The following ANAPC1 variants were observed in gnomAD, a reference collection of about 807,000 sequenced individuals.
ANAPC1 encodes anaphase-promoting complex subunit 1.
Under a neutral mutation model 208.0 loss-of-function variants are expected in ANAPC1, and 36 were observed. The observed-to-expected ratio is 0.17, with a 90% CI of 0.13 to 0.23. ANAPC1 has a LOEUF of 0.23. Among genes scored for constraint, ANAPC1 ranks in the 10% least tolerant of loss-of-function variants. ANAPC1 has a pLI of 1.00. For synonymous variants in ANAPC1, 378 were observed against 695.2 expected (o/e 0.54, Z 7.18); for missense variants, 942 against 2,011.6 (o/e 0.47, Z 10.17).
At chr2:111,844,785 A>C (rs1374752571) in intron 16 of ANAPC1, among the ~76,000 whole-genome samples, 1 of 152,172 alleles carries the variant, frequency 6.6e-6, no homozygotes, top group Non-Finnish European at 1.5e-5. Flanking sequence ...TCAGTTTCTA[A>C]AATGTTTCAC....
intron 24 of ANAPC1, among the ~76,000 whole-genome samples, chr2:111,823,563 T>C (rs1679666078): frequency 6.6e-6 from 1 of 151,914 alleles, no homozygotes; most frequent in Non-Finnish European, 1.5e-5. Context: ...AATGGGTAAT[T>C]AAATTATGAT....
chr2:111,774,222 C>T (rs1374395662), intron 46 of ANAPC1, among the ~76,000 whole-genome samples: 1 of 148,224 alleles, frequency 6.7e-6, no homozygotes. Context: ...GAAATGGTGA[C>T]AAATACTGAG....
chr2:111,832,543 G>A (rs1218833936), intron 20 of ANAPC1, among the ~76,000 whole-genome samples: 5 of 152,038 alleles, frequency 3.3e-5, no homozygotes, highest in South Asian at 2.1e-4. Flanking sequence ...CTCAAAATGC[G>A]GCTAGTGCAC....
intron 21 of ANAPC1, among the ~76,000 whole-genome samples, chr2:111,826,673 T>A (rs1175967445): frequency 8.5e-5 from 12 of 141,476 alleles, no homozygotes; most frequent in South Asian, 2.3e-4. Context: ...TTATTTTTTT[T>A]TTTTTTGAGA....
At position 111,831,383 on chromosome 2, in the gene ANAPC1, C is replaced by T. The variant is rs1680121339; in HGVS notation, c.2528G>A (p.Ser843Asn). ...ACAAGAACTCACCCACTGATAAATA[C>T]TTGGTGGCTCAGACGTAAAAAATGA... ...HPSFFTSEPP[S>N]IYQWVSSCLK... is the part of the protein sequence containing the mutation. Residue 843 changes from serine (S) to asparagine (N), a missense_variant, in exon 21 of 48, where the codon AGT becomes AAT. Coordinates refer to ENST00000341068, the MANE Select transcript of ANAPC1 (RefSeq NM_022662.4). 1 of 1,611,676 alleles carries T rather than the reference C, an allele frequency of 6.2e-7. No individual in the cohort carries two copies. The highest frequency in any genetic ancestry group is 8.5e-7 in the Non-Finnish European group (1 of 1,179,760).
chr2:111,812,584 G>A (rs2104407655), intron 28 of ANAPC1, among the ~76,000 whole-genome samples: 1 of 146,506 alleles, frequency 6.8e-6, no homozygotes, highest in East Asian at 2.0e-4. Flanking sequence ...AAAAAACTGA[G>A]AGAGGCTTTA....
At position 111,838,227 on chromosome 2, in the gene ANAPC1, A is replaced by G. The variant is rs935418860; in HGVS notation, c.2115+211T>C. Among the ~76,000 whole-genome samples, 3 of 152,350 alleles carry G rather than the reference A, an allele frequency of 2.0e-5. No individual in the cohort carries two copies. The South Asian group carries it at 6.2e-4, about 32-fold the overall frequency. On this transcript the variant is annotated intron_variant, in intron 18 of 47. Transcript: ENST00000341068. ...CTACAAACCCAAACTGAAATCATGC[A>G]GTAATACATGTATTAATTTTTAGAT...
At chr2:111,878,157 A>G (rs1683111610) in intron 3 of ANAPC1, among the ~76,000 whole-genome samples, 1 of 152,248 alleles carries the variant, frequency 6.6e-6, no homozygotes, top group Non-Finnish European at 1.5e-5. Flanking sequence ...TTCAACCAAC[A>G]GTGTTAGTAT....
intron 19 of ANAPC1, among the ~76,000 whole-genome samples, chr2:111,833,618 G>C (rs746138887): frequency 3.4e-4 from 46 of 135,516 alleles, no homozygotes; most frequent in Non-Finnish European, 5.8e-4. Flanking sequence ...TTTTCTTCTA[G>C]AAAATGGGGC....
intron 24 of ANAPC1, among the ~76,000 whole-genome samples, chr2:111,823,366 A>G (rs1335182838): frequency 6.6e-6 from 1 of 152,092 alleles, no homozygotes; most frequent in Non-Finnish European, 1.5e-5. Context: ...AAACTGGTAC[A>G]ACCACTTTGG....
At chr2:111,828,806 C>T (rs58754792) in intron 21 of ANAPC1, among the ~76,000 whole-genome samples, 3,288 of 152,224 alleles carry the variant, frequency 0.022, 109 homozygotes, top group African/African-American at 0.074. Flanking sequence ...TGGGGAGTCA[C>T]TATCTAATAG....
intron 39 of ANAPC1, among the ~76,000 whole-genome samples, chr2:111,787,334 ATTAAC>A (rs1304975201): frequency 6.7e-6 from 1 of 149,482 alleles, no homozygotes; most frequent in African/African-American, 2.5e-5. Flanking sequence ...TCAGAAGTGT[ATTAAC>A]TTAACAATAT....
intron 10 of ANAPC1, among the ~76,000 whole-genome samples, chr2:111,861,071 T>G (rs3863964): frequency 6.6e-6 from 1 of 152,156 alleles, no homozygotes; most frequent in Non-Finnish European, 1.5e-5. Context: ...ATCAGTAATC[T>G]CTCAAGCCTC....
In ANAPC1 at chr2:111,791,735, T is replaced by C. The variant is rs1181431947; in HGVS notation, c.4712+627A>G. Among the ~76,000 whole-genome samples, 11 of 152,130 alleles carry C rather than the reference T, an allele frequency of 7.2e-5. No homozygotes were observed. In the South Asian group the frequency reaches 2.1e-3, roughly 29 times the overall value. The stretch of plus-strand genomic sequence containing the variant: ...GTTAGAAGACCAGATAGGGCTATCT[T>C]TGGGGAAAGGAAGATAATAGTGATT... On this transcript the variant is annotated intron_variant, in intron 38 of 47. Coordinates refer to ENST00000341068, the MANE Select transcript of ANAPC1 (RefSeq NM_022662.4).
In ANAPC1 at chr2:111,834,824, G is replaced by A. The variant is rs779799094; in HGVS notation, c.2164C>T (p.His722Tyr). Residue 722 changes from histidine to tyrosine, a missense_variant, in exon 19 of 48, where the codon CAT becomes TAT. Transcript: ENST00000341068. ...NSDYHQNVES[H>Y]LLNRSLCLSP... ...AGACATAAAGATCTGTTCAAAAGAT[G>A]AGACTCAACATTCTGGTGGTAGTCT... The A allele has an allele frequency of 4.4e-6, 7 of 1,608,470 alleles. No homozygotes were observed. The highest frequency in any genetic ancestry group is 5.9e-6 in the Non-Finnish European group (7 of 1,178,080).
chr2:111,838,876 A>G (rs552160108), intron 17 of ANAPC1, among the ~76,000 whole-genome samples: 42 of 152,312 alleles, frequency 2.8e-4, no homozygotes, highest in African/African-American at 9.4e-4. Context: ...GATCAACCCA[A>G]TATCAGTCAA....
At chr2:111,878,270 T>C (rs1683117279) in intron 3 of ANAPC1, among the ~76,000 whole-genome samples, 1 of 152,238 alleles carries the variant, frequency 6.6e-6, no homozygotes, top group Non-Finnish European at 1.5e-5. Flanking sequence ...AGCATTCTTC[T>C]CTAAGTACAA....
At chr2:111,784,025 C>A in intron 41 of ANAPC1, 61 bp from the exon 42 acceptor site, 3 of 731,012 alleles carry the variant, frequency 4.1e-6, no homozygotes, top group Non-Finnish European at 7.1e-6. Context: ...ATCTGACAAA[C>A]TGAAACCTAT....
chr2:111,769,218 C>G lies in ANAPC1; in HGVS notation c.*73G>C. 3 of 1,595,688 alleles carry G rather than the reference C, an allele frequency of 1.9e-6. No homozygotes were observed. In the South Asian group the frequency reaches 3.4e-5, roughly 18 times the overall value. On this transcript the variant is annotated 3_prime_UTR_variant, in exon 48 of 48. Coordinates refer to ENST00000341068, the MANE Select transcript of ANAPC1 (RefSeq NM_022662.4). ...ATACCATAAAACTTTATAAACATTG[C>G]TTTAGCTTTGATGTTTGGTCACGTT...
Sources: allele counts gnomAD v4.1 joint callset (sites outside exome capture counted in the v4.1 genomes callset), GRCh38; gene constraint gnomAD v4.1.1; transcripts MANE v1.5; gene names NCBI Gene and HGNC (gene_info 2026-07-23, HGNC 2026-07-21).